PFKFB3: variants seen among roughly 807,000 people sequenced by gnomAD.
PFKFB3 encodes the protein 6-phosphofructo-2-kinase/fructose-2,6-biphosphatase 3.
PFKFB3 carries 33 observed loss-of-function variants against 68.0 expected under a neutral mutation model. The ratio of observed to expected loss-of-function variants is 0.49; its 90% CI spans 0.37 to 0.65. PFKFB3 has a LOEUF of 0.65. Among genes scored for constraint, PFKFB3 ranks in the 30% least tolerant of loss-of-function variants. The pLI, the probability that PFKFB3 is intolerant of heterozygous loss-of-function variation, is 0.00. For synonymous variants in PFKFB3, 315 were observed against 288.2 expected, an observed-to-expected ratio of 1.09 and a Z score of -0.94; for missense variants, 586 against 712.2, an observed-to-expected ratio of 0.82 and a Z score of 2.02.
intron 14 of PFKFB3, among the ~76,000 whole-genome samples, chr10:6,227,989 G>A (rs922366221): frequency 6.6e-6 from 1 of 152,218 alleles, no homozygotes; most frequent in Non-Finnish European, 1.5e-5. Flanking sequence ...ACAGACCTCC[G>A]TCGTGGAGGA....
At chr10:6,285,886 T>A in the PFKFB3 span, among the ~76,000 whole-genome samples, 5 of 152,286 alleles carry the variant, frequency 3.3e-5, no homozygotes, top group Middle Eastern at 3.4e-3. Flanking sequence ...ATACCGAATT[T>A]TCTTCTTTTT....
upstream of PFKFB3, among the ~76,000 whole-genome samples, chr10:6,199,658 A>ATTT (rs143309528): frequency 0.029 from 2,179 of 75,514 alleles, 77 homozygotes; most frequent in East Asian, 0.077. Context: ...CTATTTTTAA[A>ATTT]TTTTTTTTTT....
intron 1 of PFKFB3, among the ~76,000 whole-genome samples, chr10:6,205,014 A>G (rs1174852946): frequency 1.3e-5 from 2 of 152,232 alleles, no homozygotes; most frequent in Non-Finnish European, 2.9e-5. Flanking sequence ...ATCCTGATCC[A>G]TTAGACCCCA....
At chr10:6,257,737 A>G (rs1171808165), downstream of PFKFB3, among the ~76,000 whole-genome samples, 3 of 152,168 alleles carry the variant, frequency 2.0e-5, no homozygotes, top group African/African-American at 7.2e-5. Context: ...GGGATTTATT[A>G]TGGAAGAGTT....
chr10:6,282,036 C>T, the PFKFB3 span, among the ~76,000 whole-genome samples: 1 of 150,830 alleles, frequency 6.6e-6, no homozygotes, highest in East Asian at 1.9e-4. Context: ...CAGGCACCTT[C>T]ACGGCACACT....
chr10:6,262,367 T>C, the PFKFB3 span, among the ~76,000 whole-genome samples: 13 of 43,696 alleles, frequency 3.0e-4, no homozygotes, highest in African/African-American at 5.8e-4. Flanking sequence ...GGCAGGAGAA[T>C]GGCGTGAACC....
the PFKFB3 span, chr10:6,293,108 G>T: frequency 2.3e-6 from 1 of 427,448 alleles, no homozygotes; most frequent in South Asian, 1.9e-5. Context: ...TAAACCCTCA[G>T]GAATGGTGTG....
chr10:6,231,736 C>A (rs527795380), intron 14 of PFKFB3: 4 of 267,706 alleles, frequency 1.5e-5, no homozygotes, highest in Non-Finnish European at 2.3e-5. Flanking sequence ...CCAGTGGGCA[C>A]CCATCACTTC....
intron 1 of PFKFB3, among the ~76,000 whole-genome samples, chr10:6,171,726 TG>T: frequency 6.6e-6 from 1 of 152,380 alleles, no homozygotes. Flanking sequence ...ATTTCTATCA[TG>T]TACATAATGT....
the PFKFB3 span, among the ~76,000 whole-genome samples, chr10:6,318,237 C>T: frequency 2.3e-3 from 343 of 152,278 alleles, 4 homozygotes; most frequent in African/African-American, 8.0e-3. Flanking sequence ...GCCACCTGCT[C>T]CTTCTCAAGC....
intron 1 of PFKFB3, among the ~76,000 whole-genome samples, chr10:6,159,349 C>T (rs1225927888): frequency 2.0e-5 from 3 of 149,068 alleles, no homozygotes; most frequent in East Asian, 2.0e-4. Context: ...GAGAGGAGAT[C>T]GCGCCACTGC....
intron 1 of PFKFB3, among the ~76,000 whole-genome samples, chr10:6,188,897 C>G (rs763470336): frequency 1.2e-4 from 17 of 146,752 alleles, no homozygotes; most frequent in Admixed American, 6.3e-4. Context: ...TGCAGTGGCG[C>G]GATCTCGGCT....
At chr10:6,230,526 G>T (rs1392754600) in intron 14 of PFKFB3, among the ~76,000 whole-genome samples, 3 of 152,138 alleles carry the variant, frequency 2.0e-5, no homozygotes, top group African/African-American at 7.2e-5. Flanking sequence ...GGAAGTGCGT[G>T]GGGGATGACG....
chr10:6,203,216 G>C lies in PFKFB3; in HGVS notation c.-45G>C. 1.3e-6 allele frequency: 2 copies of C among 1,596,142 alleles called. No homozygotes were observed. The highest frequency in any genetic ancestry group is 1.7e-6 in the Non-Finnish European group (2 of 1,172,470). On this transcript the variant is annotated 5_prime_UTR_variant, in exon 1 of 15. Coordinates refer to ENST00000379775, the MANE Select transcript of PFKFB3 (RefSeq NM_004566.4). ...CGGCGGCCGCTCTCCTGCCAGCGTC[G>C]GGATCTCGGCCCCGGGAGGCGGGCC...
upstream of PFKFB3, among the ~76,000 whole-genome samples, chr10:6,199,438 G>A (rs567634468): frequency 2.0e-5 from 3 of 151,790 alleles, no homozygotes; most frequent in East Asian, 3.9e-4. Context: ...AGGCTGGACC[G>A]AGCTCAGTGA....
At chr10:6,300,036 T>C in the PFKFB3 span, among the ~76,000 whole-genome samples, 7 of 149,760 alleles carry the variant, frequency 4.7e-5, no homozygotes, top group African/African-American at 1.5e-4. Context: ...CAAGTCTGAT[T>C]ATGCTAAGAT....
rs1404816048 is a variant in PFKFB3 at position 6,154,528 on chromosome 10, G to T, written c.16+9515G>T. Among the ~76,000 whole-genome samples the T allele has an allele frequency of 6.6e-6, 1 of 152,134 alleles. No homozygotes were observed. Among genetic ancestry groups the T allele is most frequent in the Non-Finnish European group, 1.5e-5 (1 of 68,020 alleles). On this transcript the variant is annotated intron_variant, in intron 1 of 14. Coordinates refer to the PFKFB3 transcript ENST00000379789. This position sits in a 1 kb window ranked among gnomAD's most constrained non-coding sequence, Gnocchi z 4.6. Reference sequence around the variant, plus strand: ...CTTCCAAAGTGCTGGGATCATAGGCGCGAGCCACCGCGCCTGGTGGGCTGA... The same window carrying T: ...CTTCCAAAGTGCTGGGATCATAGGCTCGAGCCACCGCGCCTGGTGGGCTGA...
At chr10:6,225,049 G>A (rs918335941) in intron 13 of PFKFB3, 13 of 449,876 alleles carry the variant, frequency 2.9e-5, no homozygotes, top group Admixed American at 2.4e-4. Flanking sequence ...TGTCTACCTT[G>A]GGGGGAGGCC....
Position 6,206,067 on chromosome 10 carries a change from G to C in PFKFB3, c.76+2731G>C, listed in dbSNP as rs200936193. 4.0e-5 allele frequency among the ~76,000 whole-genome samples: 6 copies of C among 151,214 alleles called. No homozygotes were observed. The East Asian group carries it at 1.2e-3, about 30-fold the overall frequency. Reference sequence around the variant, plus strand: ...GACAATAGTGGAGGGAAGGTCAGCAGATAAACAAGTGAACAAAGGTCTCTG... The same window carrying C: ...GACAATAGTGGAGGGAAGGTCAGCACATAAACAAGTGAACAAAGGTCTCTG... On this transcript the variant is annotated intron_variant, in intron 1 of 14. Transcript: ENST00000379775.
Sources: gnomAD v4.1 joint callset for allele counts (sites outside exome capture counted in the v4.1 genomes callset) on GRCh38, gnomAD v4.1.1 for gene constraint, Gnocchi (gnomAD v3.1) non-coding constraint, MANE v1.5 for transcripts, NCBI Gene and HGNC (gene_info 2026-07-23, HGNC 2026-07-21) for gene names.